Variants in SLC25A37 observed in about 807,000 individuals in gnomAD.
SLC25A37 encodes the protein mitoferrin-1.
SLC25A37 carries 17 observed loss-of-function variants against 31.0 expected under a neutral mutation model. That is an observed-to-expected ratio of 0.55 (90% CI 0.38 to 0.82). The LOEUF (loss-of-function observed/expected upper bound fraction) is 0.82, where lower values mean the gene tolerates loss of function less well. Ranked by LOEUF, SLC25A37 falls within the 40% of genes least tolerant of loss-of-function variation. SLC25A37 has a pLI of 0.00. For synonymous variants in SLC25A37, 222 were observed against 193.0 expected (o/e 1.15, Z -1.24); for missense variants, 404 against 465.8 (o/e 0.87, Z 1.22).
rs117975436 is a variant in SLC25A37 at position 23,540,755 on chromosome 8, G to A, written c.210+11543G>A. On this transcript the variant is annotated intron_variant, in intron 1 of 3. Coordinates refer to ENST00000519973, the MANE Select transcript of SLC25A37 (RefSeq NM_016612.4). ...GGGAAGAGCACTACATCATAGTTCCGTGGTCCACTAAGGCTGCAGTTTTCT... is the reference window on the plus strand; with the variant it reads ...GGGAAGAGCACTACATCATAGTTCCATGGTCCACTAAGGCTGCAGTTTTCT... 5.9e-4 allele frequency among the ~76,000 whole-genome samples: 90 copies of A among 152,266 alleles called. 1 individual carries two copies. In the East Asian group the frequency reaches 0.013, roughly 22 times the overall value.
chr8:23,554,644 G>T (rs1802315694), intron 1 of SLC25A37, among the ~76,000 whole-genome samples: 1 of 152,234 alleles, frequency 6.6e-6, no homozygotes, highest in South Asian at 2.1e-4. Flanking sequence ...AAGGGGTGGA[G>T]ACCAGATTGG....
chr8:23,564,150 C>T (rs1802588281), intron 1 of SLC25A37, among the ~76,000 whole-genome samples: 1 of 151,824 alleles, frequency 6.6e-6, no homozygotes, highest in Non-Finnish European at 1.5e-5. Context: ...GTTTTTGCGT[C>T]CTTTCTGGGC....
intron 1 of SLC25A37, among the ~76,000 whole-genome samples, chr8:23,559,686 C>T (rs1461699689): frequency 2.0e-5 from 3 of 152,174 alleles, no homozygotes; most frequent in Non-Finnish European, 4.4e-5. Flanking sequence ...TGGCTACCCC[C>T]ATTCCACTTT....
intron 1 of SLC25A37, among the ~76,000 whole-genome samples, chr8:23,535,294 G>C (rs1801743726): frequency 6.6e-6 from 1 of 152,080 alleles, no homozygotes; most frequent in African/African-American, 2.4e-5. Flanking sequence ...GCAGCTGCTT[G>C]CATCCTTCAC....
chr8:23,545,862 C>T (rs879735134), intron 1 of SLC25A37, among the ~76,000 whole-genome samples: 3 of 152,108 alleles, frequency 2.0e-5, no homozygotes, highest in Admixed American at 1.3e-4. Flanking sequence ...ATAGGCCGGG[C>T]GCGGTGGCTC....
chr8:23,553,916 C>T (rs767110445), intron 1 of SLC25A37, among the ~76,000 whole-genome samples: 18 of 152,208 alleles, frequency 1.2e-4, no homozygotes, highest in Non-Finnish European at 2.4e-4. Flanking sequence ...GTGACTCTGA[C>T]ATAGGGTCTT....
At chr8:23,552,357 G>A (rs569693484) in intron 1 of SLC25A37, among the ~76,000 whole-genome samples, 1 of 152,324 alleles carries the variant, frequency 6.6e-6, no homozygotes, top group Admixed American at 6.5e-5. Context: ...CTGAAGTTCA[G>A]GGAAGTTAAG....
At chr8:23,558,780 C>G (rs1356813678) in intron 1 of SLC25A37, among the ~76,000 whole-genome samples, 5 of 152,190 alleles carry the variant, frequency 3.3e-5, no homozygotes, top group Non-Finnish European at 7.3e-5. Context: ...ACCCTTGTCT[C>G]TTGATTCCCC....
intron 1 of SLC25A37, among the ~76,000 whole-genome samples, chr8:23,555,016 C>G (rs1802326239): frequency 6.6e-6 from 1 of 152,112 alleles, no homozygotes; most frequent in Admixed American, 6.5e-5. Context: ...CATGGTCTAG[C>G]CCCACCCTAC....
In SLC25A37 at chr8:23,572,503, A is replaced by C. The variant is rs1402300456; in HGVS notation, c.*648A>C. 4 of 152,598 alleles carry C rather than the reference A, an allele frequency of 2.6e-5. No individual in the cohort carries two copies. Among genetic ancestry groups the C allele is most frequent in the Non-Finnish European group, 5.9e-5 (4 of 68,034 alleles). The allele number at this position is 152,598 out of a possible 1,614,324, so 9.5% of individuals were successfully genotyped here. On this transcript the variant is annotated 3_prime_UTR_variant, in exon 4 of 4. Transcript: ENST00000519973. ...GCCGGCAGCTGTGTTTAGCCCCTCC[A>C]GATGGAAGTTTCACTTGAATGTAAA...
At chr8:23,557,332 G>A (rs187162204) in intron 1 of SLC25A37, among the ~76,000 whole-genome samples, 4 of 152,270 alleles carry the variant, frequency 2.6e-5, no homozygotes, top group African/African-American at 7.2e-5. Flanking sequence ...TTTTGTGTGC[G>A]TGGTGCTCCT....
chr8:23,530,346 G>T (rs536143853), intron 1 of SLC25A37, among the ~76,000 whole-genome samples: 2 of 152,334 alleles, frequency 1.3e-5, no homozygotes, highest in East Asian at 3.9e-4. Context: ...TCCCACAGAG[G>T]CACCCCCAGC....
At chr8:23,534,068 A>G (rs1801715557) in intron 1 of SLC25A37, among the ~76,000 whole-genome samples, 1 of 151,352 alleles carries the variant, frequency 6.6e-6, no homozygotes, top group South Asian at 2.1e-4. Context: ...CCCAGCTCAG[A>G]CTCCTGAGTA....
intron 1 of SLC25A37, among the ~76,000 whole-genome samples, chr8:23,553,962 G>A (rs73555550): frequency 0.011 from 1,627 of 152,290 alleles, 35 homozygotes; most frequent in African/African-American, 0.035. Context: ...GGCATCCATG[G>A]GACTTAGCAT....
chr8:23,551,720 G>A (rs1177498958), intron 1 of SLC25A37, among the ~76,000 whole-genome samples: 1 of 152,154 alleles, frequency 6.6e-6, no homozygotes, highest in African/African-American at 2.4e-5. Context: ...GAAAACGGGG[G>A]CAGAGAACTG....
chr8:23,538,537 G>GTT (rs1801823743), intron 1 of SLC25A37, among the ~76,000 whole-genome samples: 1 of 151,058 alleles, frequency 6.6e-6, no homozygotes, highest in South Asian at 2.1e-4. Context: ...GTGTGTGTGT[G>GTT]TGTGTGTGTT....
At chr8:23,535,720 G>A (rs540890825) in intron 1 of SLC25A37, among the ~76,000 whole-genome samples, 1 of 152,302 alleles carries the variant, frequency 6.6e-6, no homozygotes, top group African/African-American at 2.4e-5. Context: ...ACGTGGCTGG[G>A]AAGGCCTCAC....
rs1221317879 is a variant in SLC25A37 at position 23,529,763 on chromosome 8, C to T, written c.210+551C>T. Among the ~76,000 whole-genome samples, 3 of 152,172 alleles carry T rather than the reference C, an allele frequency of 2.0e-5. No homozygotes were observed. The highest frequency in any genetic ancestry group is 4.4e-5 in the Non-Finnish European group (3 of 68,030). On this transcript the variant is annotated intron_variant, in intron 1 of 3. Coordinates refer to ENST00000519973, the MANE Select transcript of SLC25A37 (RefSeq NM_016612.4). The surrounding 1 kb of genome is among the most constrained non-coding windows in gnomAD (Gnocchi z 4.1). ...TTGGGGCCGGCAAGTCTTCTCTCGA[C>T]TAGTGGCAGCTCTTTACCGGTTCGA... is the stretch of plus-strand genomic sequence containing the variant.
At chr8:23,559,251 C>CGAACA (rs1443096562) in intron 1 of SLC25A37, among the ~76,000 whole-genome samples, 1 of 152,082 alleles carries the variant, frequency 6.6e-6, no homozygotes, top group Admixed American at 6.5e-5. Flanking sequence ...CTGATTTTAC[C>CGAACA]GAACAGGAGG....
Sources: allele counts gnomAD v4.1 joint callset (sites outside exome capture counted in the v4.1 genomes callset), GRCh38; gene constraint gnomAD v4.1.1; non-coding constraint Gnocchi (gnomAD v3.1); transcripts MANE v1.5; gene names NCBI Gene and HGNC (gene_info 2026-07-23, HGNC 2026-07-21).